Variants in IL20RB observed in about 807,000 individuals in gnomAD.
The protein encoded by IL20RB is interleukin 20 receptor subunit beta, also known as interleukin-20 receptor subunit beta.
In IL20RB, 21 loss-of-function variants were observed where a neutral mutation model predicts 33.3. The observed-to-expected ratio is 0.63, with a 90% CI of 0.45 to 0.91. The LOEUF (loss-of-function observed/expected upper bound fraction) is 0.91, where lower values mean the gene tolerates loss of function less well. Among genes scored for constraint, IL20RB ranks in the 40% least tolerant of loss-of-function variants. The probability of loss-of-function intolerance (pLI) is 0.00; values close to 1 mark genes in which losing one functional copy is unlikely to be tolerated. For missense variants in IL20RB, 345 were observed against 384.8 expected (o/e 0.90, Z 0.86); for synonymous variants, 147 against 146.8 (o/e 1.00, Z -0.01).
At chr3:136,979,080 G>A (rs1211574983) in intron 1 of IL20RB, among the ~76,000 whole-genome samples, 2 of 152,134 alleles carry the variant, frequency 1.3e-5, no homozygotes, top group African/African-American at 4.8e-5. Context: ...CTTTACCAGA[G>A]GAAGGTGTCA....
At chr3:137,005,520 T>C (rs1298244654) in intron 6 of IL20RB, among the ~76,000 whole-genome samples, 1 of 152,242 alleles carries the variant, frequency 6.6e-6, no homozygotes, top group Admixed American at 6.5e-5. Flanking sequence ...TATTATGTAA[T>C]GGCCTTCTTT....
At chr3:136,996,430 T>TAG (rs1310482158) in intron 6 of IL20RB, among the ~76,000 whole-genome samples, 1 of 152,220 alleles carries the variant, frequency 6.6e-6, no homozygotes, top group Non-Finnish European at 1.5e-5. Flanking sequence ...AGGGAGCCAG[T>TAG]GTCAGCTTCT....
Position 137,010,409 on chromosome 3 carries a change from A to C in IL20RB, c.*186A>C, listed in dbSNP as rs1274207779. On this transcript the variant is annotated 3_prime_UTR_variant, in exon 7 of 7. Transcript: ENST00000329582. Reference sequence around the variant, plus strand: ...GGTTTGTCTAACAGAACACTGACTGAGGCTTAGGGGATGTGACCTCTAGAC... The same window carrying C: ...GGTTTGTCTAACAGAACACTGACTGCGGCTTAGGGGATGTGACCTCTAGAC... The C allele has an allele frequency of 1.9e-6, 1 of 535,224 alleles. No individual in the cohort carries two copies. The highest frequency in any genetic ancestry group is 3.3e-5 in the Admixed American group (1 of 30,300). 33.2% of individuals were successfully genotyped at this position (535,224 alleles called of 1,614,324 possible). A position where few individuals can be genotyped will look rare whatever the true frequency, so the allele number is the denominator to read the frequency against.
In IL20RB at chr3:136,980,539, G is replaced by C. The variant is rs754015345; in HGVS notation, c.162G>C (p.Trp54Cys). The change falls in exon 2 of 7, where the codon TGG (tryptophan) becomes TGC (cysteine). Residue 54 changes from tryptophan to cysteine, a missense_variant. Coordinates refer to ENST00000329582, the MANE Select transcript of IL20RB (RefSeq NM_144717.4). ...LSTNMKHLLM[W>C]SPVIAPGETV... ...CCAACATGAAGCATCTCTTGATGTG[G>C]AGCCCAGTGATCGCGCCTGGAGAAA... 1.9e-6 allele frequency: 3 copies of C among 1,614,204 alleles called. No homozygotes were observed. Among genetic ancestry groups the C allele is most frequent in the Non-Finnish European group, 2.5e-6 (3 of 1,180,042 alleles).
At chr3:136,987,356 G>A (rs1340073897) in intron 3 of IL20RB, among the ~76,000 whole-genome samples, 4 of 152,182 alleles carry the variant, frequency 2.6e-5, no homozygotes, top group African/African-American at 9.7e-5. Context: ...TAGATACAGA[G>A]TGTCGATTGG....
At chr3:136,981,151 T>A (rs971339985) in intron 2 of IL20RB, among the ~76,000 whole-genome samples, 6 of 152,072 alleles carry the variant, frequency 3.9e-5, no homozygotes, top group Non-Finnish European at 8.8e-5. Flanking sequence ...AGGGATACAG[T>A]TGACAAGGTT....
At position 136,991,948 on chromosome 3, in the gene IL20RB, A is replaced by C. The variant is rs759249031; in HGVS notation, c.542A>C (p.Lys181Thr). 2.2e-5 allele frequency: 35 copies of C among 1,613,976 alleles called. No individual in the cohort carries two copies. The highest frequency in any genetic ancestry group is 3.0e-5 in the Non-Finnish European group (35 of 1,179,970). ...TCTGGTCTGTCAAAGGAACATGTCA[A>C]AATGGTGAGGAGTGGGGGTATTCCA... The part of the protein sequence containing the change: ...RREPGAEEHV[K>T]MVRSGGIPVH... The change falls in exon 5 of 7, where the codon AAA (lysine) becomes ACA (threonine). Residue 181 changes from lysine to threonine, a missense_variant. Physicochemically the swap from Lys to Thr is moderately conservative, Grantham distance 78. Coordinates refer to ENST00000329582, the MANE Select transcript of IL20RB (RefSeq NM_144717.4).
intron 5 of IL20RB, among the ~76,000 whole-genome samples, chr3:136,994,411 T>C (rs1472233303): frequency 6.6e-6 from 1 of 152,198 alleles, no homozygotes; most frequent in Non-Finnish European, 1.5e-5. Flanking sequence ...ACCTACTATA[T>C]ACCTACAAAA....
At chr3:136,962,864 G>A (rs1941260744) in intron 1 of IL20RB, among the ~76,000 whole-genome samples, 3 of 87,092 alleles carry the variant, frequency 3.4e-5, no homozygotes, top group Admixed American at 1.4e-4. Context: ...TTGGATTTTG[G>A]CCAAAAAAAA....
At chr3:137,006,444 C>T (rs572064844) in intron 6 of IL20RB, among the ~76,000 whole-genome samples, 1 of 152,220 alleles carries the variant, frequency 6.6e-6, no homozygotes, top group South Asian at 2.1e-4. Context: ...TCCCATATTT[C>T]TTGGAGGCTT....
chr3:137,010,309 G>T lies in IL20RB; in HGVS notation c.*86G>T. The T allele has an allele frequency of 4.0e-6, 3 of 742,390 alleles. No individual in the cohort carries two copies. The highest frequency in any genetic ancestry group is 2.9e-5 in the South Asian group (2 of 67,922). 46.0% of individuals were successfully genotyped at this position (742,390 alleles called of 1,614,324 possible). ...GGGACAAGTTGTGTTTCTGTTTTCC[G>T]CCACGGACAAGGGATGAGAGAAGTA... On this transcript the variant is annotated 3_prime_UTR_variant, in exon 7 of 7. Coordinates refer to ENST00000329582, the MANE Select transcript of IL20RB (RefSeq NM_144717.4).
intron 6 of IL20RB, among the ~76,000 whole-genome samples, chr3:137,004,752 G>A (rs1477175173): frequency 3.3e-5 from 5 of 151,626 alleles, no homozygotes; most frequent in East Asian, 3.9e-4. Flanking sequence ...GGGTTTTTTT[G>A]TGTGTCTCTC....
At chr3:136,986,212 C>CAAATAAATAAATAAAT (rs751861399) in intron 3 of IL20RB, among the ~76,000 whole-genome samples, 2 of 138,090 alleles carry the variant, frequency 1.4e-5, no homozygotes, top group African/African-American at 5.6e-5. Flanking sequence ...GACTCCATCT[C>CAAATAAATAAATAAAT]AAATAAATAA....
chr3:136,976,526 C>T (rs1420495279), intron 1 of IL20RB, among the ~76,000 whole-genome samples: 1 of 152,210 alleles, frequency 6.6e-6, no homozygotes, highest in African/African-American at 2.4e-5. Flanking sequence ...CAGGAGTCCC[C>T]ACCAGCTTGT....
chr3:136,986,829 T>G (rs2108204556), intron 3 of IL20RB: 3 of 449,698 alleles, frequency 6.7e-6, no homozygotes, highest in Non-Finnish European at 1.3e-5. Flanking sequence ...AGTCTGTCCC[T>G]TCTGATGTTC....
At chr3:136,962,893 G>A (rs1170697359) in intron 1 of IL20RB, among the ~76,000 whole-genome samples, 1 of 150,788 alleles carries the variant, frequency 6.6e-6, no homozygotes, top group Non-Finnish European at 1.5e-5. Context: ...AAAGCATTAG[G>A]GGAAAAACTG....
At chr3:136,972,602 A>G (rs1941514116) in intron 1 of IL20RB, among the ~76,000 whole-genome samples, 1 of 152,078 alleles carries the variant, frequency 6.6e-6, no homozygotes, top group Non-Finnish European at 1.5e-5. Context: ...GTTGTTCATA[A>G]CAGTCTCTGA....
Position 136,982,154 on chromosome 3 carries a change from T to C in IL20RB, c.216-6T>C. 1 of 1,547,010 alleles carries C rather than the reference T, an allele frequency of 6.5e-7. No individual in the cohort carries two copies. ...GTGTAACTCTGTGCCCTCCTCTCTT[T>C]GACAGGGAGTACGAGAGCCTGTACA... On this transcript the variant is annotated splice_polypyrimidine_tract_variant and splice_region_variant and intron_variant, in intron 2 of 6. Coordinates refer to ENST00000329582, the MANE Select transcript of IL20RB (RefSeq NM_144717.4).
chr3:136,987,938 C>G (rs530095236), intron 3 of IL20RB, among the ~76,000 whole-genome samples: 1 of 152,198 alleles, frequency 6.6e-6, no homozygotes, highest in Non-Finnish European at 1.5e-5. Context: ...GCAAGCGCCG[C>G]GTGCAGCCCC....
Sources: allele counts gnomAD v4.1 joint callset (sites outside exome capture counted in the v4.1 genomes callset), GRCh38; gene constraint gnomAD v4.1.1; transcripts MANE v1.5; gene names NCBI Gene and HGNC (gene_info 2026-07-23, HGNC 2026-07-21).